SH3GLB1: variants seen among roughly 807,000 people sequenced by gnomAD.
The protein encoded by SH3GLB1 is SH3 domain containing GRB2 like, endophilin B1.
Under a neutral mutation model 42.0 loss-of-function variants are expected in SH3GLB1, and 17 were observed. The observed-to-expected ratio is 0.40, with a 90% confidence interval of 0.28 to 0.61. SH3GLB1 has a LOEUF of 0.61. Among genes scored for constraint, SH3GLB1 ranks in the 20% least tolerant of loss-of-function variants. SH3GLB1 has a pLI of 0.36. For missense variants in SH3GLB1, 355 were observed against 426.3 expected (o/e 0.83, Z 1.47); for synonymous variants, 132 against 146.6 (o/e 0.90, Z 0.72).
intron 1 of SH3GLB1, among the ~76,000 whole-genome samples, chr1:86,709,564 T>G (rs1169823317): frequency 6.6e-6 from 1 of 152,230 alleles, no homozygotes; most frequent in Non-Finnish European, 1.5e-5. Flanking sequence ...TAACTTTATT[T>G]GATAAATCTT....
intron 7 of SH3GLB1, among the ~76,000 whole-genome samples, chr1:86,741,393 A>G (rs1287543633): frequency 2.0e-5 from 3 of 152,204 alleles, no homozygotes; most frequent in Non-Finnish European, 4.4e-5. Context: ...GTACTGTTTT[A>G]TATTTGGTAT....
intron 5 of SH3GLB1, among the ~76,000 whole-genome samples, chr1:86,733,369 A>G (rs1388607590): frequency 6.6e-6 from 1 of 152,180 alleles, no homozygotes; most frequent in Non-Finnish European, 1.5e-5. Context: ...TATTGCCACC[A>G]AAGGATGAGG....
chr1:86,727,670 A>G (rs1655268535), intron 5 of SH3GLB1, among the ~76,000 whole-genome samples: 1 of 152,064 alleles, frequency 6.6e-6, no homozygotes, highest in Admixed American at 6.5e-5. Flanking sequence ...TACGAATCCA[A>G]TTTTAGTCTA....
At chr1:86,735,388 A>G (rs949119665) in intron 7 of SH3GLB1, among the ~76,000 whole-genome samples, 3 of 152,232 alleles carry the variant, frequency 2.0e-5, no homozygotes, top group African/African-American at 7.2e-5. Flanking sequence ...AGGGATGAGA[A>G]AAAGTGAATA....
chr1:86,724,892 A>ATATATATATAT (rs1553208270), intron 5 of SH3GLB1, among the ~76,000 whole-genome samples: 7 of 99,676 alleles, frequency 7.0e-5, no homozygotes, highest in African/African-American at 3.2e-4. Flanking sequence ...AAAAAAAAAA[A>ATATATATATAT]ATATATATAT....
chr1:86,739,278 C>T (rs263479), intron 7 of SH3GLB1, among the ~76,000 whole-genome samples: 49,786 of 151,840 alleles, frequency 0.33, 10,698 homozygotes, highest in African/African-American at 0.62. Context: ...AGGACTGATC[C>T]CTGAAGTACT....
At chr1:86,710,161 GA>G (rs1654117094) in intron 1 of SH3GLB1, among the ~76,000 whole-genome samples, 1 of 152,178 alleles carries the variant, frequency 6.6e-6, no homozygotes, top group Non-Finnish European at 1.5e-5. Context: ...ATAGATAGAA[GA>G]TAGTTTGTTA....
At chr1:86,706,050 A>C (rs1296377678) in intron 1 of SH3GLB1, among the ~76,000 whole-genome samples, 3 of 152,230 alleles carry the variant, frequency 2.0e-5, no homozygotes, top group Non-Finnish European at 2.9e-5. Context: ...ATAGCTGCCT[A>C]TATTATGAAA....
intron 5 of SH3GLB1, chr1:86,730,361 T>C: frequency 2.0e-6 from 2 of 985,390 alleles, no homozygotes; most frequent in Non-Finnish European, 2.4e-6. Flanking sequence ...TACTAAGTGG[T>C]AATCTTACAG....
chr1:86,730,096 A>C, intron 5 of SH3GLB1: 1 of 1,596,562 alleles, frequency 6.3e-7, no homozygotes, highest in Non-Finnish European at 8.5e-7. Flanking sequence ...AGATTTGGGC[A>C]GAGGAGGTGA....
rs1570397336 is a variant in SH3GLB1, at chr1:86,704,765, G to C, written c.-135G>C. The C allele has an allele frequency of 2.0e-6, 1 of 511,876 alleles. No individual in the cohort carries two copies. Among genetic ancestry groups the C allele is most frequent in the Non-Finnish European group, 3.4e-6 (1 of 293,518 alleles). The allele number at this position is 511,876 out of a possible 1,614,324, so 31.7% of individuals were successfully genotyped here. Reference sequence around the variant, plus strand: ...CCCCGTTCACGGAAACGACAGCTGCGGCTGCGGGGCTGGCGCCGCCTCCCT... The same window carrying C: ...CCCCGTTCACGGAAACGACAGCTGCCGCTGCGGGGCTGGCGCCGCCTCCCT... On this transcript the variant is annotated 5_prime_UTR_variant, in exon 1 of 9. Coordinates refer to ENST00000370558, the MANE Select transcript of SH3GLB1 (RefSeq NM_016009.5).
chr1:86,720,132 TTTAG>T (rs1365397612), intron 3 of SH3GLB1, among the ~76,000 whole-genome samples: 9 of 152,154 alleles, frequency 5.9e-5, no homozygotes, highest in African/African-American at 1.4e-4. Flanking sequence ...CAAGCATATA[TTTAG>T]TTATTCAGAG....
rs12087845 is a variant in SH3GLB1, at chr1:86,709,221, G to T, written c.72+4250G>T. On this transcript the variant is annotated intron_variant, in intron 1 of 8. Coordinates refer to ENST00000370558, the MANE Select transcript of SH3GLB1 (RefSeq NM_016009.5). Reference sequence around the variant, plus strand: ...CTTTAATAAGTTTGTATGTGCTAAGGCATCAACTCTGTTTCTTATTCCCCT... The same window carrying T: ...CTTTAATAAGTTTGTATGTGCTAAGTCATCAACTCTGTTTCTTATTCCCCT... Among the ~76,000 whole-genome samples, 1,181 of 152,210 alleles carry T rather than the reference G, an allele frequency of 7.8e-3. 15 individuals carry two copies. Among genetic ancestry groups the T allele is most frequent in the African/African-American group, 0.027 (1,122 of 41,536 alleles).
At chr1:86,722,808 C>G in intron 4 of SH3GLB1, 135 bp downstream of exon 4, 1 of 641,254 alleles carries the variant, frequency 1.6e-6, no homozygotes, top group Non-Finnish European at 2.4e-6. Flanking sequence ...AGTGCATGTT[C>G]ACCAGAACAC....
At chr1:86,724,008 C>T (rs1655014902) in intron 4 of SH3GLB1, among the ~76,000 whole-genome samples, 1 of 152,152 alleles carries the variant, frequency 6.6e-6, no homozygotes, top group Non-Finnish European at 1.5e-5. Context: ...AAAGGTATTG[C>T]CAAATGTTCC....
At chr1:86,726,811 T>G (rs1249280549) in intron 5 of SH3GLB1, among the ~76,000 whole-genome samples, 4 of 152,006 alleles carry the variant, frequency 2.6e-5, no homozygotes, top group Admixed American at 6.6e-5. Context: ...TGATCCTTTT[T>G]TTCCCCCCTG....
intron 1 of SH3GLB1, among the ~76,000 whole-genome samples, chr1:86,710,512 GC>G (rs1654149383): frequency 3.3e-5 from 5 of 151,992 alleles, no homozygotes; most frequent in Admixed American, 3.3e-4. Flanking sequence ...TGATCCACCC[GC>G]CTCAGCCTCC....
At chr1:86,709,047 C>T (rs1570404400) in intron 1 of SH3GLB1, among the ~76,000 whole-genome samples, 1 of 151,932 alleles carries the variant, frequency 6.6e-6, no homozygotes. Flanking sequence ...GCTTCAAATC[C>T]ATCTCAGCTG....
chr1:86,724,884 A>T (rs796515440), intron 5 of SH3GLB1, among the ~76,000 whole-genome samples: 1,216 of 103,684 alleles, frequency 0.012, 38 homozygotes, highest in African/African-American at 0.047. Context: ...TAAAAAAAAA[A>T]AAAAAAAAAT....
Sources: allele counts gnomAD v4.1 joint callset (sites outside exome capture counted in the v4.1 genomes callset), GRCh38; gene constraint gnomAD v4.1.1; transcripts MANE v1.5; gene names NCBI Gene and HGNC (gene_info 2026-07-23, HGNC 2026-07-21).